The following TRPS1 variants were observed in gnomAD, a reference collection of about 807,000 sequenced individuals.
TRPS1 encodes the protein transcriptional repressor GATA binding 1, also known as zinc finger transcription factor Trps1.
TRPS1 carries 6 observed loss-of-function variants against 101.2 expected under a neutral mutation model. The ratio of observed to expected loss-of-function variants is 0.06; its 90% CI spans 0.03 to 0.12. TRPS1 has a LOEUF of 0.12. Ranked by LOEUF, TRPS1 falls within the 10% of genes least tolerant of loss-of-function variation. TRPS1 has a pLI of 1.00. For missense variants in TRPS1, 1,363 were observed against 1,567.0 expected, an observed-to-expected ratio of 0.87 and a Z score of 2.20; for synonymous variants, 578 against 589.8, an observed-to-expected ratio of 0.98 and a Z score of 0.29.
chr8:115,554,899 A>G (rs1386274507), intron 5 of TRPS1, among the ~76,000 whole-genome samples: 1 of 152,136 alleles, frequency 6.6e-6, no homozygotes, highest in East Asian at 1.9e-4. Flanking sequence ...GGTGAGGAGA[A>G]GGACAAAGGG....
At chr8:115,546,300 T>C (rs1333666347) in intron 5 of TRPS1, among the ~76,000 whole-genome samples, 2 of 151,944 alleles carry the variant, frequency 1.3e-5, no homozygotes, top group African/African-American at 4.8e-5. Context: ...AGATTCCCAA[T>C]GCTAGCTAAA....
At chr8:115,645,599 G>A (rs887849736) in intron 1 of TRPS1, among the ~76,000 whole-genome samples, 2 of 152,010 alleles carry the variant, frequency 1.3e-5, no homozygotes, top group Admixed American at 6.6e-5. Context: ...TTGAGGAAGA[G>A]GAAAAAATTT....
chr8:115,647,089 G>A (rs1015925050), intron 1 of TRPS1, among the ~76,000 whole-genome samples: 1 of 152,074 alleles, frequency 6.6e-6, no homozygotes, highest in African/African-American at 2.4e-5. Context: ...CTCACATCCA[G>A]TCATATATCA....
chr8:115,615,206 A>G (rs1230019514), intron 3 of TRPS1, among the ~76,000 whole-genome samples: 1 of 152,212 alleles, frequency 6.6e-6, no homozygotes, highest in East Asian at 1.9e-4. Flanking sequence ...ATAATGCAGT[A>G]ATAAAAAGAA....
At chr8:115,497,328 T>C (rs570805427) in intron 5 of TRPS1, among the ~76,000 whole-genome samples, 6 of 152,198 alleles carry the variant, frequency 3.9e-5, no homozygotes, top group African/African-American at 9.7e-5. Context: ...TACTCTCCTA[T>C]GCGAATCTAA....
intron 5 of TRPS1, among the ~76,000 whole-genome samples, chr8:115,472,540 G>A (rs1001054783): frequency 6.6e-6 from 1 of 152,164 alleles, no homozygotes; most frequent in African/African-American, 2.4e-5. Flanking sequence ...ATTAAAATTT[G>A]CCTCCTTGTT....
intron 5 of TRPS1, among the ~76,000 whole-genome samples, chr8:115,524,549 G>C (rs1815949210): frequency 6.6e-6 from 1 of 151,896 alleles, no homozygotes; most frequent in African/African-American, 2.4e-5. Context: ...TCGAACTCCT[G>C]ACCTCATGAT....
chr8:115,511,582 C>A (rs182150582), intron 5 of TRPS1, among the ~76,000 whole-genome samples: 2 of 151,900 alleles, frequency 1.3e-5, no homozygotes. Context: ...GTTCTAGTTG[C>A]CTAAAATCCC....
At chr8:115,423,779 C>T (rs1417678364) in intron 5 of TRPS1, among the ~76,000 whole-genome samples, 1 of 152,088 alleles carries the variant, frequency 6.6e-6, no homozygotes, top group East Asian at 1.9e-4. Context: ...ATAGCTGAGC[C>T]TTGGCATACA....
chr8:115,526,415 A>G (rs1397423609), intron 5 of TRPS1, among the ~76,000 whole-genome samples: 1 of 152,174 alleles, frequency 6.6e-6, no homozygotes, highest in Non-Finnish European at 1.5e-5. Flanking sequence ...AAACCTGAAG[A>G]TGTTTGAATT....
intron 5 of TRPS1, among the ~76,000 whole-genome samples, chr8:115,467,071 T>A (rs996107458): frequency 5.9e-5 from 9 of 152,168 alleles, no homozygotes; most frequent in Non-Finnish European, 1.3e-4. Context: ...GGTTTGAATT[T>A]TCTTAAAGAA....
At chr8:115,454,125 C>G (rs927381532) in intron 5 of TRPS1, among the ~76,000 whole-genome samples, 1 of 152,100 alleles carries the variant, frequency 6.6e-6, no homozygotes, top group Non-Finnish European at 1.5e-5. Context: ...CTCCCTACAC[C>G]CCACAATTTT....
At chr8:115,631,003 T>C (rs1350252116) in intron 1 of TRPS1, among the ~76,000 whole-genome samples, 1 of 152,106 alleles carries the variant, frequency 6.6e-6, no homozygotes, top group Non-Finnish European at 1.5e-5. Flanking sequence ...TTACGTCAAG[T>C]GAATGAATAT....
chr8:115,552,179 T>C (rs1268691987), intron 5 of TRPS1, among the ~76,000 whole-genome samples: 1 of 152,214 alleles, frequency 6.6e-6, no homozygotes. Flanking sequence ...GTTTATCTTT[T>C]GACCTTTATG....
At chr8:115,618,551 G>C (rs543633388) in intron 3 of TRPS1, among the ~76,000 whole-genome samples, 5 of 152,264 alleles carry the variant, frequency 3.3e-5, no homozygotes, top group African/African-American at 4.8e-5. Context: ...AGGTCATTCT[G>C]CTGTCCCTAA....
intron 5 of TRPS1, among the ~76,000 whole-genome samples, chr8:115,581,937 A>G (rs1297451889): frequency 2.6e-5 from 4 of 152,206 alleles, no homozygotes; most frequent in African/African-American, 9.6e-5. Flanking sequence ...ATCTCTGCAT[A>G]TAGTCAATAG....
intron 5 of TRPS1, among the ~76,000 whole-genome samples, chr8:115,545,909 T>A (rs1364819787): frequency 1.3e-5 from 2 of 152,168 alleles, no homozygotes; most frequent in African/African-American, 4.8e-5. Flanking sequence ...TTCACCAATT[T>A]TAATTCTTTT....
intron 5 of TRPS1, among the ~76,000 whole-genome samples, chr8:115,530,992 A>G (rs1019292475): frequency 6.6e-6 from 1 of 152,142 alleles, no homozygotes; most frequent in Non-Finnish European, 1.5e-5. Flanking sequence ...TGACGAGTTA[A>G]TGGGTGCAGC....
Position 115,418,213 on chromosome 8 carries a change from T to G in TRPS1, c.2823+117A>C, listed in dbSNP as rs1469842732. The G allele has an allele frequency of 4.5e-6, 7 of 1,571,550 alleles. No homozygotes were observed. In the East Asian group the frequency reaches 1.6e-4, roughly 35 times the overall value. On this transcript the variant is annotated intron_variant, in intron 6 of 6. Coordinates refer to ENST00000395715, the MANE Select transcript of TRPS1 (RefSeq NM_014112.5). This position sits in a 1 kb window ranked among gnomAD's most constrained non-coding sequence, Gnocchi z 4.3. ...CACATGTGCACTCAAAGTGACTGTA[T>G]TAAAACAACCCTGCGGGGGCAGGCA...
Sources: allele counts gnomAD v4.1 joint callset (sites outside exome capture counted in the v4.1 genomes callset), GRCh38; gene constraint gnomAD v4.1.1; non-coding constraint Gnocchi (gnomAD v3.1); transcripts MANE v1.5; gene names NCBI Gene and HGNC (gene_info 2026-07-23, HGNC 2026-07-21).